NAV3: variants seen among roughly 807,000 people sequenced by gnomAD.
NAV3 encodes neuron navigator 3.
Under a neutral mutation model 244.7 loss-of-function variants are expected in NAV3, and 87 were observed. That is an observed-to-expected ratio of 0.36 (90% CI 0.30 to 0.42). The LOEUF is 0.42. Among genes scored for constraint, NAV3 ranks in the 20% least tolerant of loss-of-function variants. The pLI is 1.00. For synonymous variants in NAV3, 1,126 were observed against 1,042.2 expected, an observed-to-expected ratio of 1.08 and a Z score of -1.55; for missense variants, 2,663 against 2,893.3, an observed-to-expected ratio of 0.92 and a Z score of 1.83.
intron 12 of NAV3, among the ~76,000 whole-genome samples, chr12:78,066,425 A>G (rs1294250586): frequency 6.6e-6 from 1 of 152,168 alleles, no homozygotes; most frequent in Admixed American, 6.6e-5. Context: ...AAATTAGGTT[A>G]CGTAGATGAT....
intron 23 of NAV3, among the ~76,000 whole-genome samples, chr12:78,161,608 A>G (rs1011020934): frequency 7.9e-5 from 12 of 152,216 alleles, no homozygotes; most frequent in African/African-American, 2.6e-4. Flanking sequence ...GAGATTTTAT[A>G]ATGTGTCTAC....
chr12:78,147,491 G>T (rs185149887), intron 21 of NAV3, among the ~76,000 whole-genome samples: 10 of 151,946 alleles, frequency 6.6e-5, no homozygotes, highest in Admixed American at 4.6e-4. Flanking sequence ...TTTGAGAAAT[G>T]CTCTTTGAGT....
At chr12:77,878,669 A>G (rs912098765) in intron 1 of NAV3, among the ~76,000 whole-genome samples, 5 of 126,334 alleles carry the variant, frequency 4.0e-5, no homozygotes, top group African/African-American at 1.6e-4. Context: ...TTAAACTTCT[A>G]AAAAAAAAAA....
chr12:77,951,065 A>G (rs1890824379), intron 3 of NAV3, among the ~76,000 whole-genome samples: 1 of 152,228 alleles, frequency 6.6e-6, no homozygotes, highest in African/African-American at 2.4e-5. Context: ...AAAATTGGCA[A>G]GTGGGATCTA....
At chr12:77,786,989 T>A (rs908971195) in intron 2 of NAV3, among the ~76,000 whole-genome samples, 2 of 152,120 alleles carry the variant, frequency 1.3e-5, no homozygotes, top group African/African-American at 4.8e-5. Flanking sequence ...TTAATTACTA[T>A]AAGTTCGTTG....
chr12:77,606,311 T>G, intron 2 of NAV3, among the ~76,000 whole-genome samples: 1 of 152,158 alleles, frequency 6.6e-6, no homozygotes, highest in Admixed American at 6.6e-5. Context: ...CAAACCATGC[T>G]ATTAACTGGC....
chr12:77,591,853 C>G (rs1869920500), intron 2 of NAV3, among the ~76,000 whole-genome samples: 1 of 152,106 alleles, frequency 6.6e-6, no homozygotes, highest in Admixed American at 6.5e-5. Context: ...GTCATATTAA[C>G]TTTACTACTG....
intron 12 of NAV3, among the ~76,000 whole-genome samples, chr12:78,076,231 C>G (rs770104459): frequency 1.3e-5 from 2 of 152,124 alleles, no homozygotes; most frequent in African/African-American, 2.4e-5. Context: ...TTGCTTATGC[C>G]TGAAATCCCA....
At chr12:78,104,113 G>T (rs1345642057) in intron 12 of NAV3, among the ~76,000 whole-genome samples, 1 of 152,154 alleles carries the variant, frequency 6.6e-6, no homozygotes, top group Non-Finnish European at 1.5e-5. Context: ...TCGATTAATG[G>T]AAAATTTGAA....
rs532390274 is a variant in NAV3 at position 77,983,379 on chromosome 12, C to T, written c.672-11424C>T. On this transcript the variant is annotated intron_variant, in intron 5 of 39. Transcript: ENST00000397909. ...AAGTAAGGGTAAAAGACAATCATCACGTCTCTACTTTCATTGATGAATTGA... is the reference window on the plus strand; with the variant it reads ...AAGTAAGGGTAAAAGACAATCATCATGTCTCTACTTTCATTGATGAATTGA... 3.3e-5 allele frequency among the ~76,000 whole-genome samples: 5 copies of T among 152,210 alleles called. No homozygotes were observed. The East Asian group carries it at 5.8e-4, about 18-fold the overall frequency.
chr12:77,997,612 T>C (rs1872578725), intron 6 of NAV3, among the ~76,000 whole-genome samples: 1 of 152,250 alleles, frequency 6.6e-6, no homozygotes, highest in Non-Finnish European at 1.5e-5. Context: ...GTCATCCAGC[T>C]AACAGTGATT....
At chr12:78,127,353 CG>C in intron 17 of NAV3, 145 bp downstream of exon 17, 2 of 764,076 alleles carry the variant, frequency 2.6e-6, no homozygotes, top group Non-Finnish European at 4.3e-6. Context: ...TTCTCTGGCC[CG>C]AACAGTTGGT....
intron 2 of NAV3, among the ~76,000 whole-genome samples, chr12:77,692,744 A>C (rs562603876): frequency 1.3e-5 from 2 of 151,710 alleles, no homozygotes; most frequent in East Asian, 3.9e-4. Context: ...AAGAAATAAT[A>C]GTGTGCAAAA....
chr12:77,675,396 T>C (rs1032961472), intron 2 of NAV3, among the ~76,000 whole-genome samples: 5 of 152,132 alleles, frequency 3.3e-5, no homozygotes, highest in African/African-American at 1.2e-4. Flanking sequence ...AAAGGCAGAA[T>C]TTCCTTCAGC....
chr12:78,207,425 T>C (rs1336041699), intron 39 of NAV3, among the ~76,000 whole-genome samples: 4 of 152,212 alleles, frequency 2.6e-5, no homozygotes, highest in Non-Finnish European at 5.9e-5. Context: ...GTATCATTTC[T>C]GATCTCAAGA....
intron 35 of NAV3, among the ~76,000 whole-genome samples, chr12:78,197,897 A>C (rs1215839756): frequency 6.6e-6 from 1 of 151,898 alleles, no homozygotes; most frequent in Non-Finnish European, 1.5e-5. Context: ...CTCTGGTTTC[A>C]TTCTCAGTTC....
At chr12:77,960,978 G>T (rs1028645812) in intron 3 of NAV3, among the ~76,000 whole-genome samples, 1 of 145,412 alleles carries the variant, frequency 6.9e-6, no homozygotes, top group African/African-American at 2.5e-5. Flanking sequence ...ATGTATATAT[G>T]TATATGTTAC....
chr12:78,074,006 G>GA (rs1952918636), intron 12 of NAV3, among the ~76,000 whole-genome samples: 1 of 152,206 alleles, frequency 6.6e-6, no homozygotes, highest in Middle Eastern at 3.4e-3. Context: ...ATATATTATT[G>GA]AAAAAATGTC....
intron 5 of NAV3, among the ~76,000 whole-genome samples, chr12:77,978,109 A>G (rs1868847864): frequency 6.6e-6 from 1 of 152,182 alleles, no homozygotes; most frequent in Non-Finnish European, 1.5e-5. Flanking sequence ...TATAAAATAA[A>G]AACGTCATAA....
Sources: allele counts gnomAD v4.1 joint callset (sites outside exome capture counted in the v4.1 genomes callset), GRCh38; gene constraint gnomAD v4.1.1; transcripts MANE v1.5; gene names NCBI Gene and HGNC (gene_info 2026-07-23, HGNC 2026-07-21).